Variants in MAPK10 observed in about 807,000 individuals in gnomAD.
MAPK10 encodes JNK3 alpha protein kinase.
A neutral mutation model predicts 59.3 loss-of-function variants in MAPK10; 25 were observed. The ratio of observed to expected loss-of-function variants is 0.42; its 90% confidence interval spans 0.31 to 0.59. The LOEUF is 0.59. Among genes scored for constraint, MAPK10 ranks in the 20% least tolerant of loss-of-function variants. MAPK10 has a pLI of 0.15. For missense variants in MAPK10, 351 were observed against 568.9 expected (o/e 0.62, Z 3.90); for synonymous variants, 190 against 200.5 (o/e 0.95, Z 0.44).
intron 4 of MAPK10, among the ~76,000 whole-genome samples, chr4:86,141,146 A>G (rs568508035): frequency 3.3e-5 from 5 of 152,316 alleles, no homozygotes; most frequent in African/African-American, 1.2e-4. Flanking sequence ...GCCTTGTACC[A>G]TGTTCTAAAG....
intron 7 of MAPK10, 88 bp downstream of exon 7, chr4:86,101,806 A>T: frequency 7.4e-7 from 1 of 1,342,880 alleles, no homozygotes; most frequent in Non-Finnish European, 1.0e-6. Flanking sequence ...ATTATATTTG[A>T]CCAATGCCCC....
intron 13 of MAPK10, among the ~76,000 whole-genome samples, chr4:86,026,174 C>A (rs1447833108): frequency 1.3e-5 from 2 of 152,146 alleles, no homozygotes; most frequent in African/African-American, 4.8e-5. Flanking sequence ...GCATCCTTAT[C>A]TTAGTGAGTC....
chr4:86,113,697 T>G (rs1197882873), intron 4 of MAPK10, among the ~76,000 whole-genome samples: 1 of 152,210 alleles, frequency 6.6e-6, no homozygotes, highest in African/African-American at 2.4e-5. Context: ...GTCTTGGAGT[T>G]GATCTTCTCA....
intron 2 of MAPK10, among the ~76,000 whole-genome samples, chr4:86,258,273 A>G (rs2093836395): frequency 6.6e-6 from 1 of 152,178 alleles, no homozygotes; most frequent in South Asian, 2.1e-4. Flanking sequence ...TAGATTGTGT[A>G]TAACTAACTC....
chr4:86,370,852 CATG>C (rs1738652795), intron 1 of MAPK10: 2 of 152,250 alleles, frequency 1.3e-5, no homozygotes, highest in South Asian at 4.1e-4. Flanking sequence ...GTCTAGATCA[CATG>C]ATAATTATGG....
chr4:86,362,994 A>T (rs1453072586), upstream of MAPK10, among the ~76,000 whole-genome samples: 1 of 152,174 alleles, frequency 6.6e-6, no homozygotes, highest in Non-Finnish European at 1.5e-5. Context: ...TTGGACATAA[A>T]TGTTTATGCT....
intron 1 of MAPK10, among the ~76,000 whole-genome samples, chr4:86,448,536 C>T (rs1409869159): frequency 6.6e-6 from 1 of 151,914 alleles, no homozygotes; most frequent in South Asian, 2.1e-4. Flanking sequence ...AATATTTTAA[C>T]TTTTTAAATG....
At chr4:86,343,926 T>C (rs1285676433) in intron 2 of MAPK10, among the ~76,000 whole-genome samples, 1 of 152,172 alleles carries the variant, frequency 6.6e-6, no homozygotes, top group Non-Finnish European at 1.5e-5. Flanking sequence ...GGGTTTACAA[T>C]CATTGATTTT....
At chr4:86,168,065 G>C (rs2072488826) in intron 3 of MAPK10, among the ~76,000 whole-genome samples, 1 of 152,180 alleles carries the variant, frequency 6.6e-6, no homozygotes, top group Non-Finnish European at 1.5e-5. Context: ...AAAGTTACAA[G>C]CATTCTGAGA....
At chr4:86,257,733 C>T (rs559730392) in intron 2 of MAPK10, among the ~76,000 whole-genome samples, 1 of 152,306 alleles carries the variant, frequency 6.6e-6, no homozygotes, top group Non-Finnish European at 1.5e-5. Context: ...CTCTTAAACT[C>T]CAAGTTCAAA....
At chr4:86,569,913 T>A (rs1761333987) in intron 1 of MAPK10, among the ~76,000 whole-genome samples, 1 of 151,942 alleles carries the variant, frequency 6.6e-6, no homozygotes. Context: ...ACACAACATA[T>A]CCATGTAACA....
chr4:86,270,317 C>T (rs1204778544), intron 2 of MAPK10, among the ~76,000 whole-genome samples: 1 of 151,588 alleles, frequency 6.6e-6, no homozygotes, highest in African/African-American at 2.4e-5. Flanking sequence ...TTCGTTTACT[C>T]TTTACCTAAA....
At chr4:86,093,501 C>T (rs1011766593) in intron 9 of MAPK10, among the ~76,000 whole-genome samples, 2 of 151,772 alleles carry the variant, frequency 1.3e-5, no homozygotes, top group African/African-American at 4.8e-5. Context: ...AATTAGTTAA[C>T]TAAGTCATAA....
intron 4 of MAPK10, among the ~76,000 whole-genome samples, chr4:86,129,713 G>T (rs1239590655): frequency 6.6e-6 from 1 of 152,022 alleles, no homozygotes; most frequent in Non-Finnish European, 1.5e-5. Context: ...CCAGTTTACT[G>T]ACCCCAAATG....
At chr4:86,458,627 A>G (rs1751451604) in intron 1 of MAPK10, among the ~76,000 whole-genome samples, 1 of 152,226 alleles carries the variant, frequency 6.6e-6, no homozygotes, top group African/African-American at 2.4e-5. Flanking sequence ...ACTTACAGCC[A>G]ACTGATTTTC....
chr4:86,336,784 C>CTTTTTTT (rs70948788), intron 2 of MAPK10, among the ~76,000 whole-genome samples: 13 of 83,092 alleles, frequency 1.6e-4, no homozygotes, highest in Non-Finnish European at 2.1e-4. Context: ...GGAATGACTC[C>CTTTTTTT]TTTTTTTTTT....
At chr4:86,343,533 A>G (rs1383203591) in intron 2 of MAPK10, among the ~76,000 whole-genome samples, 1 of 152,232 alleles carries the variant, frequency 6.6e-6, no homozygotes, top group Non-Finnish European at 1.5e-5. Flanking sequence ...GATGCATAAA[A>G]GAGACATTTA....
At chr4:86,022,039 C>T (rs1019671569) in intron 13 of MAPK10, among the ~76,000 whole-genome samples, 2 of 152,224 alleles carry the variant, frequency 1.3e-5, no homozygotes, top group African/African-American at 4.8e-5. Flanking sequence ...CCTTGGCCAG[C>T]CCAGAAAGGG....
At chr4:86,522,387 T>C (rs941806755) in intron 1 of MAPK10, among the ~76,000 whole-genome samples, 1 of 152,216 alleles carries the variant, frequency 6.6e-6, no homozygotes, top group Non-Finnish European at 1.5e-5. Flanking sequence ...AGCTAGAATA[T>C]GAACTACCTT....
Sources: gnomAD v4.1 joint callset for allele counts (sites outside exome capture counted in the v4.1 genomes callset) on GRCh38, gnomAD v4.1.1 for gene constraint, MANE v1.5 for transcripts, NCBI Gene and HGNC (gene_info 2026-07-23, HGNC 2026-07-21) for gene names.